The following SLMAP variants were observed in gnomAD, a reference collection of about 807,000 sequenced individuals.
The protein encoded by SLMAP is sarcolemma associated protein, also known as sarcolemmal membrane-associated protein.
A neutral mutation model predicts 128.8 loss-of-function variants in SLMAP; 44 were observed. That is an observed-to-expected ratio of 0.34 (90% CI 0.27 to 0.44). The LOEUF is 0.44. SLMAP is among the 20% of genes least tolerant of loss of function. The pLI, the probability that SLMAP is intolerant of heterozygous loss-of-function variation, is 1.00. For missense variants in SLMAP, 787 were observed against 985.3 expected, an observed-to-expected ratio of 0.80 and a Z score of 2.69; for synonymous variants, 327 against 348.8, an observed-to-expected ratio of 0.94 and a Z score of 0.70.
In SLMAP at chr3:57,806,213, C is replaced by T. The variant is rs1330803743; in HGVS notation, c.199-25170C>T. Among the ~76,000 whole-genome samples, 3 of 152,162 alleles carry T rather than the reference C, an allele frequency of 2.0e-5. No individual in the cohort carries two copies. In the South Asian group the frequency reaches 6.2e-4, roughly 32 times the overall value. ...CTAATGCTCTCCCTCCCTTCGCCCC[C>T]TGCCCCCCAACTGGCCCTGGTGTGT... On this transcript the variant is annotated intron_variant, in intron 2 of 24. Transcript: ENST00000671191.
intron 2 of SLMAP, among the ~76,000 whole-genome samples, chr3:57,787,539 C>T (rs2084479719): frequency 6.6e-6 from 1 of 152,162 alleles, no homozygotes; most frequent in Non-Finnish European, 1.5e-5. Context: ...TGCAGTGGCG[C>T]AATCTCCGCT....
Position 57,797,720 on chromosome 3 carries a change from C to T in SLMAP, c.199-33663C>T, listed in dbSNP as rs1416719667. ...AAAGCCTCATAATGTGAATAGGAAACCTGAGTTTAGTACCAGTTATGTTAT... is the reference window on the plus strand; with the variant it reads ...AAAGCCTCATAATGTGAATAGGAAATCTGAGTTTAGTACCAGTTATGTTAT... On this transcript the variant is annotated intron_variant, in intron 2 of 24. Coordinates refer to ENST00000671191, the MANE Select transcript of SLMAP (RefSeq NM_001377540.1). Among the ~76,000 whole-genome samples the T allele has an allele frequency of 3.3e-5, 5 of 152,134 alleles. 1 individual carries two copies. The highest frequency in any genetic ancestry group is 9.6e-5 in the African/African-American group (4 of 41,500).
At chr3:57,882,990 TA>T (rs34538723) in intron 14 of SLMAP, among the ~76,000 whole-genome samples, 53 of 145,092 alleles carry the variant, frequency 3.7e-4, no homozygotes, top group South Asian at 7.1e-4. Context: ...ATTAAATTAT[TA>T]AAAAAAAAAA....
intron 7 of SLMAP, 73 bp downstream of exon 7, chr3:57,857,901 A>C: frequency 9.0e-7 from 1 of 1,108,524 alleles, no homozygotes; most frequent in Non-Finnish European, 1.3e-6. Context: ...AATAAACTAA[A>C]ATGTAGCAAA....
At position 57,875,382 on chromosome 3, in the gene SLMAP, A is replaced by G. The variant is rs200418902; in HGVS notation, c.1300+3684A>G. 1.4e-4 allele frequency among the ~76,000 whole-genome samples: 21 copies of G among 152,104 alleles called. No homozygotes were observed. The East Asian group carries it at 3.5e-3, about 25-fold the overall frequency. On this transcript the variant is annotated intron_variant, in intron 14 of 24. Coordinates refer to ENST00000671191, the MANE Select transcript of SLMAP (RefSeq NM_001377540.1). ...TACAAAAAATTAGCTGGCCATGGTG[A>G]TAACATGCCTGTGTCCCAGCTACTC...
At chr3:57,851,580 C>G (rs1560239220) in intron 6 of SLMAP, among the ~76,000 whole-genome samples, 1 of 151,462 alleles carries the variant, frequency 6.6e-6, no homozygotes, top group African/African-American at 2.4e-5. Context: ...TCAAGCAGTT[C>G]TCCTGCCCCA....
chr3:57,853,992 TATATATATTTACATATA>T (rs1317627861), intron 6 of SLMAP, among the ~76,000 whole-genome samples: 7 of 109,050 alleles, frequency 6.4e-5, no homozygotes, highest in African/African-American at 2.5e-4. Context: ...TATATATATA[TATATATATTTACATATA>T]ATATATATTA....
chr3:57,767,794 A>T (rs963797098), intron 2 of SLMAP, among the ~76,000 whole-genome samples: 1 of 152,214 alleles, frequency 6.6e-6, no homozygotes, highest in African/African-American at 2.4e-5. Context: ...GCCAACTATT[A>T]GACATTTATT....
At chr3:57,768,190 G>A (rs1005438935) in intron 2 of SLMAP, among the ~76,000 whole-genome samples, 2 of 152,126 alleles carry the variant, frequency 1.3e-5, no homozygotes, top group Non-Finnish European at 2.9e-5. Context: ...AAATATGGAC[G>A]TGTTTGGTGG....
rs2096841497 is a variant in SLMAP at position 57,917,756 on chromosome 3, C to A, written c.2310+679C>A. 3.3e-5 allele frequency: 5 copies of A among 152,960 alleles called. No homozygotes were observed. The South Asian group carries it at 1.0e-3, about 31-fold the overall frequency. 9.5% of individuals were successfully genotyped at this position (152,960 alleles called of 1,614,324 possible). ...GAAGTTGACAGCAGGGCAGTAAGAGCTGTCTTCAGTCCTGCTGGCCTCATA... is the reference window on the plus strand; with the variant it reads ...GAAGTTGACAGCAGGGCAGTAAGAGATGTCTTCAGTCCTGCTGGCCTCATA... On this transcript the variant is annotated intron_variant, in intron 22 of 24. Transcript: ENST00000671191.
intron 2 of SLMAP, among the ~76,000 whole-genome samples, chr3:57,775,177 C>CT (rs1335361823): frequency 6.6e-6 from 1 of 151,640 alleles, no homozygotes; most frequent in African/African-American, 2.4e-5. Flanking sequence ...GCCTCAGCCC[C>CT]CGAGTAGCTG....
chr3:57,918,758 T>A (rs1200733557), intron 22 of SLMAP, among the ~76,000 whole-genome samples: 1 of 152,238 alleles, frequency 6.6e-6, no homozygotes, highest in African/African-American at 2.4e-5. Context: ...GCATTTCCCC[T>A]TTGTTCTCCT....
At chr3:57,867,077 G>T (rs898786029) in intron 13 of SLMAP, among the ~76,000 whole-genome samples, 2 of 152,168 alleles carry the variant, frequency 1.3e-5, no homozygotes, top group African/African-American at 4.8e-5. Flanking sequence ...ACTCTAGGAG[G>T]CTGAGGCAGG....
chr3:57,884,893 A>T (rs142758395), intron 14 of SLMAP, among the ~76,000 whole-genome samples: 161 of 152,300 alleles, frequency 1.1e-3, no homozygotes, highest in African/African-American at 3.6e-3. Context: ...CTGCAAATGC[A>T]TGTAAGACTT....
At position 57,781,525 on chromosome 3, in the gene SLMAP, T is replaced by C. The variant is rs182345964; in HGVS notation, c.198+23676T>C. ...TAAAGGAGAGAAAAATAAGAATCTA[T>C]GTTTGTTATTTGTTTATGCCTAAAG... On this transcript the variant is annotated intron_variant, in intron 2 of 24. Transcript: ENST00000671191. Among the ~76,000 whole-genome samples, 57 of 152,234 alleles carry C rather than the reference T, an allele frequency of 3.7e-4. 1 individual carries two copies. The highest frequency in any genetic ancestry group is 3.7e-4 in the Non-Finnish European group (25 of 68,010).
intron 14 of SLMAP, among the ~76,000 whole-genome samples, chr3:57,883,263 G>T (rs1393493202): frequency 1.3e-5 from 2 of 152,232 alleles, no homozygotes; most frequent in Non-Finnish European, 2.9e-5. Flanking sequence ...GACATGGTGA[G>T]ATTTAAGTCC....
chr3:57,926,571 T>G (rs1301677241), intron 24 of SLMAP, among the ~76,000 whole-genome samples: 1 of 152,200 alleles, frequency 6.6e-6, no homozygotes, highest in African/African-American at 2.4e-5. Flanking sequence ...ATAACACTTC[T>G]GGAATACAAG....
At chr3:57,776,546 G>A (rs867981238) in intron 2 of SLMAP, among the ~76,000 whole-genome samples, 3 of 83,704 alleles carry the variant, frequency 3.6e-5, no homozygotes, top group Non-Finnish European at 6.1e-5. Context: ...TTTTTTTTGA[G>A]ATAGAGTTTC....
chr3:57,923,100 T>G (rs112439754), intron 23 of SLMAP, 77 bp downstream of exon 23: 1 of 1,377,890 alleles, frequency 7.3e-7, no homozygotes, highest in Non-Finnish European at 1.0e-6. Context: ...GAGGACTTTA[T>G]CACTGATTTG....
Sources: allele counts gnomAD v4.1 joint callset (sites outside exome capture counted in the v4.1 genomes callset), GRCh38; gene constraint gnomAD v4.1.1; transcripts MANE v1.5; gene names NCBI Gene and HGNC (gene_info 2026-07-23, HGNC 2026-07-21).